GMDS: variants seen among roughly 807,000 people sequenced by gnomAD.
The protein encoded by GMDS is GDP-mannose 4,6-dehydratase.
Under a neutral mutation model 49.9 loss-of-function variants are expected in GMDS, and 20 were observed. That is an observed-to-expected ratio of 0.40 (90% confidence interval 0.28 to 0.58). The LOEUF is 0.58. GMDS is among the 20% of genes least tolerant of loss of function. GMDS has a pLI of 0.42. For synonymous variants in GMDS, 177 were observed against 178.6 expected, an observed-to-expected ratio of 0.99 and a Z score of 0.07; for missense variants, 362 against 481.4, an observed-to-expected ratio of 0.75 and a Z score of 2.32.
chr6:1,985,285 C>G (rs1049756376), intron 4 of GMDS, among the ~76,000 whole-genome samples: 1 of 152,114 alleles, frequency 6.6e-6, no homozygotes, highest in Non-Finnish European at 1.5e-5. Flanking sequence ...TGGACCAGAG[C>G]ATCCTAGAGG....
intron 7 of GMDS, among the ~76,000 whole-genome samples, chr6:1,846,850 A>T (rs955780637): frequency 9.2e-5 from 14 of 152,190 alleles, no homozygotes; most frequent in Middle Eastern, 3.2e-3. Context: ...ATCTTTTAGG[A>T]TGTATCAAAT....
At chr6:2,026,787 T>C (rs1451244769) in intron 4 of GMDS, among the ~76,000 whole-genome samples, 2 of 152,112 alleles carry the variant, frequency 1.3e-5, no homozygotes, top group Admixed American at 1.3e-4. Context: ...AATAGAGAAG[T>C]GGGATGTCAG....
chr6:1,686,748 C>A (rs1233115616), intron 9 of GMDS, among the ~76,000 whole-genome samples: 1 of 152,174 alleles, frequency 6.6e-6, no homozygotes, highest in Non-Finnish European at 1.5e-5. Flanking sequence ...ATTAACGCAG[C>A]AACTTCTGAA....
At chr6:1,782,140 C>G (rs1280486569) in intron 7 of GMDS, among the ~76,000 whole-genome samples, 7 of 152,104 alleles carry the variant, frequency 4.6e-5, no homozygotes, top group Admixed American at 4.6e-4. Flanking sequence ...CCAGTTTAGT[C>G]CAGACTCACA....
chr6:1,868,280 C>T (rs1035827885), intron 7 of GMDS, among the ~76,000 whole-genome samples: 7 of 152,134 alleles, frequency 4.6e-5, no homozygotes, highest in South Asian at 2.1e-4. Context: ...CCACCGCACC[C>T]GGCCCTCAAC....
chr6:1,701,393 C>A (rs1765540181), intron 9 of GMDS, among the ~76,000 whole-genome samples: 1 of 152,174 alleles, frequency 6.6e-6, no homozygotes, highest in South Asian at 2.1e-4. Flanking sequence ...AACCCAATGT[C>A]TCCACAGTGT....
chr6:2,203,076 G>A (rs1779623700), intron 1 of GMDS, among the ~76,000 whole-genome samples: 1 of 152,168 alleles, frequency 6.6e-6, no homozygotes, highest in South Asian at 2.1e-4. Context: ...AGGAATGTGT[G>A]TTCATAGGAA....
chr6:2,173,575 G>A (rs778152363), intron 1 of GMDS, among the ~76,000 whole-genome samples: 12 of 152,152 alleles, frequency 7.9e-5, no homozygotes, highest in Non-Finnish European at 1.6e-4. Flanking sequence ...AATTCTGAGT[G>A]GGCATAAATT....
In GMDS at chr6:1,778,813, T is replaced by C. The variant is rs1024975460; in HGVS notation, c.772-36227A>G. Among the ~76,000 whole-genome samples, 1 of 151,664 alleles carries C rather than the reference T, an allele frequency of 6.6e-6. No individual in the cohort carries two copies. The highest frequency in any genetic ancestry group is 6.6e-5 in the Admixed American group (1 of 15,242). On this transcript the variant is annotated intron_variant, in intron 7 of 10. Transcript: ENST00000380815. This position sits in a 1 kb window ranked among gnomAD's most constrained non-coding sequence, Gnocchi z 4.6. Reference sequence around the variant, plus strand: ...GTGTGGGCCAGGACTGTACCAGCTCTGCAGTCAGAACTTGGCCCCTTGCAT... The same window carrying C: ...GTGTGGGCCAGGACTGTACCAGCTCCGCAGTCAGAACTTGGCCCCTTGCAT...
At chr6:1,661,348 C>T (rs1413826638) in intron 9 of GMDS, among the ~76,000 whole-genome samples, 1 of 152,190 alleles carries the variant, frequency 6.6e-6, no homozygotes. Flanking sequence ...CAAGGACTAT[C>T]ATCAGAATAC....
In GMDS at chr6:1,635,787, A is replaced by C. The variant is rs999678099; in HGVS notation, c.988-11247T>G. Among the ~76,000 whole-genome samples the C allele has an allele frequency of 5.9e-5, 9 of 152,294 alleles. No individual in the cohort carries two copies. Among genetic ancestry groups the C allele is most frequent in the Admixed American group, 4.6e-4 (7 of 15,302 alleles). On this transcript the variant is annotated intron_variant, in intron 9 of 10. Transcript: ENST00000380815. The surrounding 1 kb of genome is among the most constrained non-coding windows in gnomAD (Gnocchi z 4.7). Reference sequence around the variant, plus strand: ...CTTTGGAAAAGACAGCTCTATCCAAATGTGAGAAATTACTGATTACAGCCT... The same window carrying C: ...CTTTGGAAAAGACAGCTCTATCCAACTGTGAGAAATTACTGATTACAGCCT...
chr6:1,858,824 GT>G (rs1420687942), intron 7 of GMDS, among the ~76,000 whole-genome samples: 2 of 152,088 alleles, frequency 1.3e-5, no homozygotes, highest in Non-Finnish European at 2.9e-5. Flanking sequence ...GACAATTTTT[GT>G]TTTTTCCTTA....
chr6:2,061,464 C>A (rs1771157231), intron 4 of GMDS, among the ~76,000 whole-genome samples: 1 of 152,132 alleles, frequency 6.6e-6, no homozygotes, highest in Non-Finnish European at 1.5e-5. Context: ...TGCCCGTAAT[C>A]CCAACACTTT....
At chr6:1,796,494 A>G (rs1769739526) in intron 7 of GMDS, among the ~76,000 whole-genome samples, 1 of 152,198 alleles carries the variant, frequency 6.6e-6, no homozygotes, top group African/African-American at 2.4e-5. Context: ...CTAATTTTAT[A>G]AAGCTCCCCA....
At chr6:1,797,038 T>C (rs993934562) in intron 7 of GMDS, among the ~76,000 whole-genome samples, 1 of 152,212 alleles carries the variant, frequency 6.6e-6, no homozygotes, top group African/African-American at 2.4e-5. Context: ...CAGGGACCAG[T>C]ACCAGTATAT....
chr6:2,216,006 T>G (rs1349645733), intron 1 of GMDS, among the ~76,000 whole-genome samples: 2 of 152,174 alleles, frequency 1.3e-5, no homozygotes, highest in Non-Finnish European at 2.9e-5. Flanking sequence ...GAGCTACATA[T>G]GAAATAAATT....
intron 9 of GMDS, among the ~76,000 whole-genome samples, chr6:1,717,206 A>C (rs1766206500): frequency 6.6e-6 from 1 of 152,244 alleles, no homozygotes. Context: ...TAAGACAATG[A>C]ATCTGGGTAG....
At chr6:1,669,006 T>C (rs965638468) in intron 9 of GMDS, among the ~76,000 whole-genome samples, 6 of 152,240 alleles carry the variant, frequency 3.9e-5, no homozygotes, top group African/African-American at 1.4e-4. Flanking sequence ...GAATGGAATA[T>C]ATTTCTAACA....
chr6:2,063,132 A>G (rs1171904308), intron 4 of GMDS, among the ~76,000 whole-genome samples: 2 of 152,244 alleles, frequency 1.3e-5, no homozygotes, highest in African/African-American at 4.8e-5. Context: ...TGCATGGCAC[A>G]GTGCCTGAAA....
Sources: gnomAD v4.1 joint callset for allele counts (sites outside exome capture counted in the v4.1 genomes callset) on GRCh38, gnomAD v4.1.1 for gene constraint, Gnocchi (gnomAD v3.1) non-coding constraint, MANE v1.5 for transcripts, NCBI Gene and HGNC (gene_info 2026-07-23, HGNC 2026-07-21) for gene names.